LOC400499: variants seen among roughly 807,000 people sequenced by gnomAD.
At chr16:11,514,410 G>C in the LOC400499 span, 3 of 399,030 alleles carry the variant, frequency 7.5e-6, no homozygotes, top group Non-Finnish European at 1.3e-5. Flanking sequence ...AGTGAGGAGA[G>C]GGTCCTCATC....
chr16:11,397,283 TTTTTA>T, the LOC400499 span, among the ~76,000 whole-genome samples: 489 of 152,282 alleles, frequency 3.2e-3, 3 homozygotes, highest in Non-Finnish European at 4.6e-3. Context: ...TTGTAAATGC[TTTTTA>T]TTTTGAGACA....
the LOC400499 span, chr16:11,404,622 C>T: frequency 2.5e-6 from 1 of 398,280 alleles, no homozygotes. Context: ...GCTTGGATTA[C>T]AGGCATGAGC....
chr16:11,512,316 G>A, the LOC400499 span, among the ~76,000 whole-genome samples: 2 of 145,378 alleles, frequency 1.4e-5, no homozygotes, highest in African/African-American at 5.1e-5. Flanking sequence ...AATAATAAAG[G>A]GGCCTGGCAC....
the LOC400499 span, among the ~76,000 whole-genome samples, chr16:11,437,648 A>T: frequency 1.3e-5 from 2 of 152,320 alleles, no homozygotes; most frequent in East Asian, 3.9e-4. Context: ...CAGGCAGATC[A>T]CTTGAGGTCA....
the LOC400499 span, chr16:11,461,202 G>C: frequency 6.9e-7 from 1 of 1,450,020 alleles, no homozygotes. Context: ...AGGGACTCAG[G>C]TATCACCGAG....
At chr16:11,435,173 G>T in the LOC400499 span, among the ~76,000 whole-genome samples, 1 of 151,678 alleles carries the variant, frequency 6.6e-6, no homozygotes, top group African/African-American at 2.4e-5. Flanking sequence ...GTACAGATGG[G>T]GTCTATGTTG....
chr16:11,511,245 C>T, the LOC400499 span, among the ~76,000 whole-genome samples: 990 of 152,290 alleles, frequency 6.5e-3, 10 homozygotes, highest in African/African-American at 0.023. Flanking sequence ...AATCTGCTCA[C>T]TTTGGCCTCC....
the LOC400499 span, chr16:11,470,772 G>T: frequency 9.2e-5 from 14 of 152,522 alleles, no homozygotes; most frequent in African/African-American, 3.4e-4. Context: ...ATTGGTGTAG[G>T]GGCCCTGACC....
the LOC400499 span, among the ~76,000 whole-genome samples, chr16:11,476,113 T>G: frequency 5.0e-3 from 736 of 148,680 alleles, 10 homozygotes; most frequent in African/African-American, 0.018. Context: ...GTTGGCTGCT[T>G]TAGGAGCATG....
chr16:11,447,032 CAGAGA>C, the LOC400499 span: 1 of 1,180,380 alleles, frequency 8.5e-7, no homozygotes, highest in Non-Finnish European at 1.2e-6. Context: ...GACTCTGCCA[CAGAGA>C]AGAGAACATC....
At chr16:11,497,230 C>A in the LOC400499 span, among the ~76,000 whole-genome samples, 4,838 of 152,156 alleles carry the variant, frequency 0.032, 95 homozygotes, top group Middle Eastern at 0.1. Context: ...TGTACACGTG[C>A]GCTCAGGATG....
At chr16:11,465,067 C>G in the LOC400499 span, among the ~76,000 whole-genome samples, 4 of 152,224 alleles carry the variant, frequency 2.6e-5, no homozygotes, top group Non-Finnish European at 5.9e-5. Context: ...CCAGGCCTCT[C>G]TGAGAAGACA....
the LOC400499 span, chr16:11,383,994 G>T: frequency 8.1e-7 from 1 of 1,231,810 alleles, no homozygotes; most frequent in Non-Finnish European, 1.0e-6. Context: ...CAGTGGCCCT[G>T]CAGTCACCAC....
the LOC400499 span, chr16:11,514,593 G>C: frequency 5.0e-6 from 2 of 399,552 alleles, no homozygotes; most frequent in African/African-American, 4.1e-5. Context: ...CCATCCACAG[G>C]ACCCAGCTGG....
the LOC400499 span, among the ~76,000 whole-genome samples, chr16:11,505,470 T>TTTTTC: frequency 8.9e-6 from 1 of 112,594 alleles, no homozygotes; most frequent in Non-Finnish European, 1.8e-5. Context: ...TTTTTTTTTT[T>TTTTTC]TGGAGAAGAG....
the LOC400499 span, among the ~76,000 whole-genome samples, chr16:11,450,341 C>T: frequency 0.033 from 5,070 of 152,334 alleles, 144 homozygotes; most frequent in Non-Finnish European, 0.053. Flanking sequence ...TCCAAAGTCC[C>T]GTTTGACTTG....
chr16:11,390,033 G>A, the LOC400499 span: 2 of 1,018,610 alleles, frequency 2.0e-6, no homozygotes, highest in Non-Finnish European at 2.5e-6. Context: ...GTCGGAAGGT[G>A]TCAAAGCATT....
At chr16:11,520,847 T>C in the LOC400499 span, among the ~76,000 whole-genome samples, 1 of 152,164 alleles carries the variant, frequency 6.6e-6, no homozygotes, top group Non-Finnish European at 1.5e-5. Flanking sequence ...TCTCTAAAAA[T>C]ATATTCATTA....
chr16:11,515,370 C>A, the LOC400499 span, among the ~76,000 whole-genome samples: 1 of 151,942 alleles, frequency 6.6e-6, no homozygotes, highest in Non-Finnish European at 1.5e-5. Context: ...ACAGGAGGAT[C>A]GCTTGAGGCC....
Sources: allele counts gnomAD v4.1 joint callset (sites outside exome capture counted in the v4.1 genomes callset), GRCh38; gene constraint gnomAD v4.1.1; transcripts MANE v1.5.